PRDM15: variants seen among roughly 807,000 people sequenced by gnomAD.
PRDM15 encodes the protein PR domain zinc finger protein 15.
A neutral mutation model predicts 128.6 loss-of-function variants in PRDM15; 64 were observed. The ratio of observed to expected loss-of-function variants is 0.50; its 90% CI spans 0.41 to 0.61. PRDM15 has a LOEUF of 0.61. PRDM15 is among the 20% of genes least tolerant of loss of function. The probability of loss-of-function intolerance (pLI) is 0.00; values close to 1 mark genes in which losing one functional copy is unlikely to be tolerated. For missense variants in PRDM15, 1,242 were observed against 1,569.1 expected (o/e 0.79, Z 3.52); for synonymous variants, 615 against 621.8 (o/e 0.99, Z 0.16).
At position 41,821,282 on chromosome 21, in the gene PRDM15, C is replaced by T; in HGVS notation, c.1897-52G>A. On this transcript the variant is annotated intron_variant, in intron 15 of 23. Transcript: ENST00000398548. The surrounding 1 kb of genome is among the most constrained non-coding windows in gnomAD (Gnocchi z 5.4). ...CTGACACCCGCATGAGGTCCCTGGTCCTCTTAGCTAATGAGGTCGTGTCCA... is the reference window on the plus strand; with the variant it reads ...CTGACACCCGCATGAGGTCCCTGGTTCTCTTAGCTAATGAGGTCGTGTCCA... The T allele has an allele frequency of 6.2e-7, 1 of 1,606,998 alleles. No homozygotes were observed.
intron 1 of PRDM15, among the ~76,000 whole-genome samples, chr21:41,863,991 G>A (rs377376345): frequency 6.6e-6 from 1 of 152,020 alleles, no homozygotes; most frequent in African/African-American, 2.4e-5. Flanking sequence ...TTACAGGCAC[G>A]TGCCACCACA....
rs1206337448 is a variant in PRDM15, at chr21:41,821,263, C to T, written c.1897-33G>A. ...CCAGGTGGACAGGGCACTGCTGACA[C>T]CCGCATGAGGTCCCTGGTCCTCTTA... On this transcript the variant is annotated intron_variant, in intron 15 of 23. Coordinates refer to ENST00000398548, the MANE Select transcript of PRDM15 (RefSeq NM_001040424.3). The surrounding 1 kb of genome is among the most constrained non-coding windows in gnomAD (Gnocchi z 5.4). 6.2e-7 allele frequency: 1 copy of T among 1,612,850 alleles called. No homozygotes were observed. The highest frequency in any genetic ancestry group is 1.7e-5 in the Admixed American group (1 of 60,008).
intron 1 of PRDM15, among the ~76,000 whole-genome samples, chr21:41,874,525 A>ATTTTTTTTTTTTT (rs61045274): frequency 5.2e-5 from 5 of 95,826 alleles, no homozygotes; most frequent in African/African-American, 1.2e-4. Context: ...ATATATATAT[A>ATTTTTTTTTTTTT]TTTTTTTTTT....
At chr21:41,809,489 C>T (rs1258742403) in intron 21 of PRDM15, among the ~76,000 whole-genome samples, 1 of 152,158 alleles carries the variant, frequency 6.6e-6, no homozygotes, top group Non-Finnish European at 1.5e-5. Context: ...CCTCTGCCTC[C>T]CAAAGTGCTG....
intron 5 of PRDM15, among the ~76,000 whole-genome samples, chr21:41,849,559 T>TA (rs79088664): frequency 2.6e-3 from 363 of 139,068 alleles, no homozygotes; most frequent in Middle Eastern, 3.9e-3. Context: ...CAGACTGACT[T>TA]AAAAAAAAAA....
At chr21:41,845,461 C>T (rs898963172) in intron 6 of PRDM15, among the ~76,000 whole-genome samples, 4 of 151,546 alleles carry the variant, frequency 2.6e-5, no homozygotes, top group Non-Finnish European at 5.9e-5. Flanking sequence ...GAGAGGCTGC[C>T]GCAGAAGGCA....
Position 41,801,644 on chromosome 21 carries a change from T to TG in PRDM15, c.3021dup (p.Ile1008HisfsTer24). The TG allele has an allele frequency of 6.2e-7, 1 of 1,614,002 alleles. No individual in the cohort carries two copies. Among genetic ancestry groups the TG allele is most frequent in the Non-Finnish European group, 8.5e-7 (1 of 1,180,008 alleles). On this transcript the variant is annotated frameshift_variant, in exon 24 of 24. Coordinates refer to ENST00000398548, the MANE Select transcript of PRDM15 (RefSeq NM_001040424.3). LOFTEE classifies it high-confidence loss of function. ...AACTGAGTCGCGGCCGCAGTGGTGA[T>TG]GGGGGTCACGGTGATGTTGGTTAAG...
At chr21:41,819,463 C>A (rs2062170650) in intron 18 of PRDM15, 119 bp downstream of exon 18, 3 of 692,552 alleles carry the variant, frequency 4.3e-6, no homozygotes, top group Non-Finnish European at 6.8e-6. Flanking sequence ...GGCCCCGGCC[C>A]CCGCCCCCGC....
chr21:41,836,277 G>A, intron 9 of PRDM15, 70 bp from the exon 10 acceptor site: 1 of 1,457,118 alleles, frequency 6.9e-7, no homozygotes, highest in East Asian at 2.3e-5. Flanking sequence ...TGCCCACCGG[G>A]GAAATGCCCC....
chr21:41,821,124 G>A lies in PRDM15; in HGVS notation c.2003C>T (p.Thr668Ile), dbSNP rs1392416890. Residue 668 changes from threonine (T) to isoleucine (I), a missense_variant, in exon 16 of 24, where the codon ACC (threonine) becomes ATC (isoleucine). Thr to Ile is a moderately conservative substitution (Grantham distance 89). Coordinates refer to ENST00000398548, the MANE Select transcript of PRDM15 (RefSeq NM_001040424.3). The surrounding 1 kb of genome is among the most constrained non-coding windows in gnomAD (Gnocchi z 5.4). The part of the protein sequence containing the change: ...ICNRRFALKA[T>I]YHAHMVIHRE... ...GTGGATGACCATGTGGGCGTGGTAG[G>A]TGGCCTTCAGTGCAAAGCGCCGGTT... 1 of 1,614,242 alleles carries A rather than the reference G, an allele frequency of 6.2e-7. No individual in the cohort carries two copies. The highest frequency in any genetic ancestry group is 8.5e-7 in the Non-Finnish European group (1 of 1,180,046).
At chr21:41,841,280 G>C (rs985219967) in intron 6 of PRDM15, among the ~76,000 whole-genome samples, 1 of 152,194 alleles carries the variant, frequency 6.6e-6, no homozygotes, top group African/African-American at 2.4e-5. Flanking sequence ...ACAAAGCAGT[G>C]ATTACCTATG....
intron 3 of PRDM15, among the ~76,000 whole-genome samples, chr21:41,857,668 G>A (rs1288577069): frequency 3.3e-5 from 5 of 152,224 alleles, no homozygotes; most frequent in African/African-American, 4.8e-5. Context: ...GGCTAAAGCA[G>A]TAGGATGGCT....
chr21:41,832,014 G>A lies in PRDM15; in HGVS notation c.1366+3423C>T, dbSNP rs547694308. 2.0e-5 allele frequency among the ~76,000 whole-genome samples: 3 copies of A among 152,026 alleles called. No individual in the cohort carries two copies. The highest frequency in any genetic ancestry group is 4.4e-5 in the Non-Finnish European group (3 of 67,994). On this transcript the variant is annotated intron_variant, in intron 11 of 23. Coordinates refer to ENST00000398548, the MANE Select transcript of PRDM15 (RefSeq NM_001040424.3). This position sits in a 1 kb window ranked among gnomAD's most constrained non-coding sequence, Gnocchi z 4.2. ...TTTCGTTTTGGCTTAAGATTTGATG[G>A]GCTCTGTCCGGATCCACACGACCGC... is the stretch of plus-strand genomic sequence containing the variant.
At chr21:41,861,879 A>G in intron 1 of PRDM15, 1 of 1,594,504 alleles carries the variant, frequency 6.3e-7, no homozygotes. Context: ...GGGGGGTGAA[A>G]TTTTCTCCCA....
At chr21:41,834,688 C>G in intron 11 of PRDM15, 1 of 720,506 alleles carries the variant, frequency 1.4e-6, no homozygotes, top group Admixed American at 2.2e-5. Flanking sequence ...CTCCCACATC[C>G]CAGAGGGTGC....
rs1298549487 is a variant in PRDM15 at position 41,862,489 on chromosome 21, G to A, written c.-9-2117C>T. Among the ~76,000 whole-genome samples, 1 of 152,182 alleles carries A rather than the reference G, an allele frequency of 6.6e-6. No individual in the cohort carries two copies. Among genetic ancestry groups the A allele is most frequent in the African/African-American group, 2.4e-5 (1 of 41,444 alleles). The stretch of plus-strand genomic sequence containing the variant: ...GGTCCCCTCTGAGCGGAGCTGCTGG[G>A]AGAGGAAACCCAGAAGAGAGGGGCG... On this transcript the variant is annotated intron_variant, in intron 1 of 23. Transcript: ENST00000398548. The surrounding 1 kb of genome is among the most constrained non-coding windows in gnomAD (Gnocchi z 4.1).
intron 1 of PRDM15, among the ~76,000 whole-genome samples, chr21:41,878,520 T>G (rs967931714): frequency 6.6e-6 from 1 of 151,976 alleles, no homozygotes; most frequent in Non-Finnish European, 1.5e-5. Flanking sequence ...GTGGCCCCCG[T>G]CCCCACCTGT....
intron 1 of PRDM15, among the ~76,000 whole-genome samples, chr21:41,864,105 G>T (rs2063917620): frequency 6.6e-6 from 1 of 152,148 alleles, no homozygotes; most frequent in African/African-American, 2.4e-5. Context: ...GCCTCCCAAA[G>T]TGCTGGGATT....
chr21:41,819,775 G>C (rs2062185175), intron 17 of PRDM15, 74 bp from the exon 18 acceptor site: 1 of 1,527,408 alleles, frequency 6.5e-7, no homozygotes, highest in Non-Finnish European at 8.8e-7. Flanking sequence ...GATGCACCAA[G>C]GAGAGGGGCC....
Sources: gnomAD v4.1 joint callset for allele counts (sites outside exome capture counted in the v4.1 genomes callset) on GRCh38, gnomAD v4.1.1 for gene constraint, Gnocchi (gnomAD v3.1) non-coding constraint, MANE v1.5 for transcripts, NCBI Gene and HGNC (gene_info 2026-07-23, HGNC 2026-07-21) for gene names.